GABBR2: variants seen among roughly 807,000 people sequenced by gnomAD.
The protein encoded by GABBR2 is gamma-aminobutyric acid type B receptor subunit 2.
A neutral mutation model predicts 105.6 loss-of-function variants in GABBR2; 23 were observed. That is an observed-to-expected ratio of 0.22 (90% CI 0.16 to 0.31). The LOEUF is 0.31. Among genes scored for constraint, GABBR2 ranks in the 10% least tolerant of loss-of-function variants. The pLI is 1.00. For synonymous variants in GABBR2, 478 were observed against 499.7 expected (o/e 0.96, Z 0.58); for missense variants, 734 against 1,245.5 (o/e 0.59, Z 6.18).
intron 18 of GABBR2, among the ~76,000 whole-genome samples, chr9:98,292,921 C>T (rs1425318217): frequency 6.6e-6 from 1 of 152,218 alleles, no homozygotes; most frequent in Non-Finnish European, 1.5e-5. Flanking sequence ...GAGGCAACTG[C>T]TAGGCAAACT....
chr9:98,550,618 G>C (rs544774574), intron 2 of GABBR2, among the ~76,000 whole-genome samples: 1 of 152,232 alleles, frequency 6.6e-6, no homozygotes, highest in South Asian at 2.1e-4. Context: ...GTGTGATTCA[G>C]ACCCCTGGAC....
intron 3 of GABBR2, among the ~76,000 whole-genome samples, chr9:98,519,461 G>T (rs970561250): frequency 6.6e-6 from 1 of 152,276 alleles, no homozygotes; most frequent in African/African-American, 2.4e-5. Flanking sequence ...AAAGGCCGGA[G>T]CAACAGTGGG....
chr9:98,339,891 T>C (rs1002311726), intron 13 of GABBR2, among the ~76,000 whole-genome samples: 2 of 152,136 alleles, frequency 1.3e-5, no homozygotes, highest in African/African-American at 4.8e-5. Flanking sequence ...TGAATAGCAA[T>C]ACCTGGTTCT....
intron 4 of GABBR2, among the ~76,000 whole-genome samples, chr9:98,488,469 C>G (rs181191899): frequency 1.4e-4 from 22 of 152,240 alleles, no homozygotes; most frequent in Admixed American, 1.3e-3. Context: ...AAACATGGCT[C>G]TAAATGGCAC....
At chr9:98,695,567 A>G (rs748841095) in intron 1 of GABBR2, among the ~76,000 whole-genome samples, 5 of 152,242 alleles carry the variant, frequency 3.3e-5, no homozygotes, top group Non-Finnish European at 5.9e-5. Context: ...CACTGAAATA[A>G]GAACGAGTTT....
At chr9:98,690,836 G>GCAGCCAGACTGGCTGCCCAT (rs1416591516) in intron 1 of GABBR2, among the ~76,000 whole-genome samples, 1 of 152,198 alleles carries the variant, frequency 6.6e-6, no homozygotes, top group Non-Finnish European at 1.5e-5. Flanking sequence ...AACTTCCTCT[G>GCAGCCAGACTGGCTGCCCAT]CAGCCAGACT....
At chr9:98,363,724 T>G (rs962494972) in intron 12 of GABBR2, among the ~76,000 whole-genome samples, 1 of 152,114 alleles carries the variant, frequency 6.6e-6, no homozygotes, top group Non-Finnish European at 1.5e-5. Context: ...CATGAAAGAA[T>G]ATAAAAAGAA....
rs1189493797 is a variant in GABBR2, at chr9:98,290,184, C to A, written c.*400G>T. On this transcript the variant is annotated 3_prime_UTR_variant, in exon 19 of 19. Transcript: ENST00000259455. ...TGTGCAGAGGCAGTTTCTTCAGAAG[C>A]TCCTTGCCTCTTCCCAAGGCTGCTC... The A allele has an allele frequency of 6.4e-6, 1 of 155,084 alleles. No homozygotes were observed. The highest frequency in any genetic ancestry group is 1.9e-4 in the East Asian group (1 of 5,338). 9.6% of individuals were successfully genotyped at this position (155,084 alleles called of 1,614,324 possible).
chr9:98,560,099 T>C (rs1828646353), intron 2 of GABBR2, among the ~76,000 whole-genome samples: 1 of 151,964 alleles, frequency 6.6e-6, no homozygotes, highest in African/African-American at 2.4e-5. Context: ...TGGAACAGAA[T>C]GGAGAGAGCT....
intron 7 of GABBR2, among the ~76,000 whole-genome samples, chr9:98,428,196 T>C (rs887716999): frequency 1.3e-5 from 2 of 152,090 alleles, no homozygotes; most frequent in Non-Finnish European, 2.9e-5. Flanking sequence ...AGGGGGCAGA[T>C]TGAGGGAGTA....
chr9:98,382,436 C>A (rs1250239026), intron 11 of GABBR2, among the ~76,000 whole-genome samples: 1 of 152,148 alleles, frequency 6.6e-6, no homozygotes, highest in Non-Finnish European at 1.5e-5. Context: ...GCCTCAGCCT[C>A]CTGAGTAGCT....
At chr9:98,348,036 G>A (rs1035529582) in intron 13 of GABBR2, among the ~76,000 whole-genome samples, 1 of 152,194 alleles carries the variant, frequency 6.6e-6, no homozygotes, top group Non-Finnish European at 1.5e-5. Context: ...CTGCAACCAT[G>A]TGGAACTGTG....
At chr9:98,321,112 A>C (rs1043678947) in intron 13 of GABBR2, among the ~76,000 whole-genome samples, 19 of 152,148 alleles carry the variant, frequency 1.2e-4, no homozygotes, top group Non-Finnish European at 2.2e-4. Flanking sequence ...AGGAGTCTCC[A>C]GCAGGCTCAG....
Position 98,436,373 on chromosome 9 carries a change from A to ACACACACACAC in GABBR2, c.1236+17607_1236+17608insGTGTGTGTGTG, listed in dbSNP as rs1825920102. ...CATATATATATATATATATATATATATATATATATATATATATATATATAT... is the reference window on the plus strand; with the variant it reads ...CATATATATATATATATATATATATACACACACACACTATATATATATATATATATATATAT... On this transcript the variant is annotated intron_variant, in intron 7 of 18. Coordinates refer to ENST00000259455, the MANE Select transcript of GABBR2 (RefSeq NM_005458.8). 1.8e-4 allele frequency among the ~76,000 whole-genome samples: 7 copies of ACACACACACAC among 38,738 alleles called. 1 individual carries two copies. The highest frequency in any genetic ancestry group is 1.1e-3 in the African/African-American group (7 of 6,532). 25.4% of individuals were successfully genotyped at this position (38,738 alleles called of 152,430 possible).
At chr9:98,701,872 T>C (rs1020962217) in intron 1 of GABBR2, among the ~76,000 whole-genome samples, 1 of 152,128 alleles carries the variant, frequency 6.6e-6, no homozygotes, top group Non-Finnish European at 1.5e-5. Flanking sequence ...TTAGACTTAT[T>C]CCTTATAACA....
intron 13 of GABBR2, among the ~76,000 whole-genome samples, chr9:98,335,988 G>A (rs4325016): frequency 0.44 from 67,393 of 152,054 alleles, 15,073 homozygotes; most frequent in African/African-American, 0.48. Context: ...TGTTTCATGG[G>A]GCTCACATTC....
At chr9:98,705,182 A>T (rs1316079850) in intron 1 of GABBR2, among the ~76,000 whole-genome samples, 2 of 152,154 alleles carry the variant, frequency 1.3e-5, no homozygotes, top group African/African-American at 4.8e-5. Flanking sequence ...TCAAATCCTC[A>T]TTGGAATATA....
intron 3 of GABBR2, among the ~76,000 whole-genome samples, chr9:98,526,300 C>T (rs1827959909): frequency 6.6e-6 from 1 of 152,192 alleles, no homozygotes; most frequent in Non-Finnish European, 1.5e-5. Context: ...TCTACTTCTC[C>T]CACACCCACC....
intron 4 of GABBR2, among the ~76,000 whole-genome samples, chr9:98,485,532 ACACT>A (rs1214154291): frequency 6.6e-6 from 1 of 152,034 alleles, no homozygotes; most frequent in Admixed American, 6.6e-5. Flanking sequence ...GCACGCACAC[ACACT>A]CACGCACGCA....
Sources: gnomAD v4.1 joint callset for allele counts (sites outside exome capture counted in the v4.1 genomes callset) on GRCh38, gnomAD v4.1.1 for gene constraint, MANE v1.5 for transcripts, NCBI Gene and HGNC (gene_info 2026-07-23, HGNC 2026-07-21) for gene names.